NRG3: variants seen among roughly 807,000 people sequenced by gnomAD.
NRG3 encodes the protein pro-neuregulin-3, membrane-bound isoform.
Under a neutral mutation model 66.9 loss-of-function variants are expected in NRG3, and 31 were observed. The ratio of observed to expected loss-of-function variants is 0.46; its 90% CI spans 0.35 to 0.63. The LOEUF (loss-of-function observed/expected upper bound fraction) is 0.63. Among genes scored for constraint, NRG3 ranks in the 20% least tolerant of loss-of-function variants. The pLI is 0.00. For synonymous variants in NRG3, 393 were observed against 359.4 expected (o/e 1.09, Z -1.06); for missense variants, 910 against 878.9 (o/e 1.04, Z -0.45).
At chr10:82,699,779 A>G (rs2055708753) in intron 2 of NRG3, among the ~76,000 whole-genome samples, 1 of 151,972 alleles carries the variant, frequency 6.6e-6, no homozygotes, top group Non-Finnish European at 1.5e-5. Context: ...ATATCCATGA[A>G]TTATTCTTCT....
intron 2 of NRG3, among the ~76,000 whole-genome samples, chr10:82,594,829 A>G (rs1013276068): frequency 1.6e-4 from 24 of 150,976 alleles, no homozygotes; most frequent in Admixed American, 1.6e-3. Context: ...CTGCTCTTAT[A>G]TCTTTTTTTA....
intron 5 of NRG3, among the ~76,000 whole-genome samples, chr10:82,955,666 C>G (rs749392262): frequency 2.0e-5 from 3 of 151,804 alleles, no homozygotes; most frequent in African/African-American, 7.3e-5. Context: ...AATGTAGACA[C>G]GGTAACAACC....
chr10:82,957,492 C>T (rs140388146), intron 5 of NRG3, among the ~76,000 whole-genome samples: 18 of 151,974 alleles, frequency 1.2e-4, no homozygotes, highest in Non-Finnish European at 2.4e-4. Flanking sequence ...AAAATGGAGT[C>T]ATTTGTGTTA....
intron 1 of NRG3, among the ~76,000 whole-genome samples, chr10:82,170,654 G>GTGTGTA (rs1554839695): frequency 5.4e-5 from 4 of 74,220 alleles, no homozygotes; most frequent in Non-Finnish European, 1.2e-4. Flanking sequence ...AAAACTTGTG[G>GTGTGTA]TATATATATA....
At position 82,096,771 on chromosome 10, in the gene NRG3, G is replaced by C. The variant is rs1328726409; in HGVS notation, c.823+220608G>C. Among the ~76,000 whole-genome samples the C allele has an allele frequency of 2.6e-5, 4 of 152,078 alleles. 1 individual carries two copies. Among genetic ancestry groups the C allele is most frequent in the Non-Finnish European group, 5.9e-5 (4 of 68,008 alleles). ...AAAAATATAAAGCAAAGAGAGAAAA[G>C]ATGATAGTTTTTCAGAGCTTAGAAA... is the stretch of plus-strand genomic sequence containing the variant. On this transcript the variant is annotated intron_variant, in intron 1 of 8. Transcript: ENST00000372141.
intron 1 of NRG3, among the ~76,000 whole-genome samples, chr10:82,204,139 A>G (rs1452115634): frequency 6.6e-6 from 1 of 152,132 alleles, no homozygotes; most frequent in Non-Finnish European, 1.5e-5. Flanking sequence ...TTTGCAATCT[A>G]CCTCACTGTA....
At chr10:82,005,648 T>C (rs971558227) in intron 1 of NRG3, among the ~76,000 whole-genome samples, 1 of 152,192 alleles carries the variant, frequency 6.6e-6, no homozygotes, top group African/African-American at 2.4e-5. Flanking sequence ...CAATGCTTTT[T>C]AGGTCATTTT....
intron 1 of NRG3, among the ~76,000 whole-genome samples, chr10:82,151,275 C>G (rs1049471863): frequency 9.2e-5 from 14 of 152,186 alleles, no homozygotes; most frequent in Admixed American, 4.6e-4. Flanking sequence ...TGAAATAATG[C>G]ATGACTAAGA....
intron 1 of NRG3, among the ~76,000 whole-genome samples, chr10:82,042,314 G>A (rs571565735): frequency 1.3e-5 from 2 of 152,126 alleles, no homozygotes; most frequent in South Asian, 2.1e-4. Flanking sequence ...TGTAGGATTA[G>A]GAAGTAGCTT....
At chr10:81,946,455 T>C in intron 1 of NRG3, among the ~76,000 whole-genome samples, 1 of 152,168 alleles carries the variant, frequency 6.6e-6, no homozygotes, top group East Asian at 1.9e-4. Context: ...ATAAAGGCAC[T>C]CTTATATTTG....
At chr10:82,960,459 C>A (rs563791831) in intron 6 of NRG3, among the ~76,000 whole-genome samples, 1 of 136,094 alleles carries the variant, frequency 7.3e-6, no homozygotes, top group African/African-American at 2.9e-5. Context: ...ACGGAAATGG[C>A]TGGATTTTTT....
chr10:82,438,438 G>A (rs914159597), intron 2 of NRG3, among the ~76,000 whole-genome samples: 3 of 152,340 alleles, frequency 2.0e-5, no homozygotes, highest in Middle Eastern at 3.4e-3. Context: ...CTGTAGAAAT[G>A]GGTGCTGCCC....
chr10:82,717,418 G>C (rs1239532082), intron 2 of NRG3, among the ~76,000 whole-genome samples: 20 of 46,886 alleles, frequency 4.3e-4, no homozygotes, highest in African/African-American at 2.2e-3. Flanking sequence ...TTTTTTTTTT[G>C]AGATGGAGTC....
At chr10:82,204,242 G>C (rs889201700) in intron 1 of NRG3, among the ~76,000 whole-genome samples, 1 of 152,174 alleles carries the variant, frequency 6.6e-6, no homozygotes, top group Non-Finnish European at 1.5e-5. Context: ...TTAGTTTGTA[G>C]TAAATAGTCC....
At chr10:82,011,071 T>A (rs1046696324) in intron 1 of NRG3, among the ~76,000 whole-genome samples, 3 of 152,168 alleles carry the variant, frequency 2.0e-5, no homozygotes, top group Admixed American at 2.0e-4. Context: ...CATAGAATAT[T>A]GTACTGCATT....
At chr10:82,451,143 C>T (rs1269501706) in intron 2 of NRG3, among the ~76,000 whole-genome samples, 2 of 152,132 alleles carry the variant, frequency 1.3e-5, no homozygotes, top group South Asian at 4.1e-4. Context: ...CTTATACACA[C>T]CTCAAGACAA....
intron 1 of NRG3, among the ~76,000 whole-genome samples, chr10:81,901,293 C>G (rs1564643150): frequency 6.6e-6 from 1 of 152,206 alleles, no homozygotes; most frequent in Non-Finnish European, 1.5e-5. Context: ...CCCTGTGCTT[C>G]CAGCACTGAA....
chr10:82,630,526 A>T (rs2049750476), intron 2 of NRG3, among the ~76,000 whole-genome samples: 1 of 151,974 alleles, frequency 6.6e-6, no homozygotes, highest in African/African-American at 2.4e-5. Context: ...AAGAATTTTA[A>T]GTTGGCCCGG....
chr10:82,125,446 A>G (rs1194424472), intron 1 of NRG3, among the ~76,000 whole-genome samples: 1 of 152,080 alleles, frequency 6.6e-6, no homozygotes, highest in African/African-American at 2.4e-5. Flanking sequence ...TAATCAACAT[A>G]AATCATGGCT....
Sources: gnomAD v4.1 joint callset for allele counts (sites outside exome capture counted in the v4.1 genomes callset) on GRCh38, gnomAD v4.1.1 for gene constraint, MANE v1.5 for transcripts, NCBI Gene and HGNC (gene_info 2026-07-23, HGNC 2026-07-21) for gene names.